The following SULT4A1 variants were observed in gnomAD, a reference collection of about 807,000 sequenced individuals.
The protein encoded by SULT4A1 is sulfotransferase 4A1.
SULT4A1 carries 11 observed loss-of-function variants against 35.2 expected under a neutral mutation model. That is an observed-to-expected ratio of 0.31 (90% CI 0.20 to 0.52). SULT4A1 has a LOEUF of 0.52. SULT4A1 is among the 20% of genes least tolerant of loss of function. SULT4A1 has a pLI of 0.97. For missense variants in SULT4A1, 271 were observed against 383.7 expected (o/e 0.71, Z 2.45); for synonymous variants, 152 against 151.8 (o/e 1.00, Z -0.01).
chr22:43,850,504 T>C (rs2063503638), intron 1 of SULT4A1, among the ~76,000 whole-genome samples: 2 of 152,226 alleles, frequency 1.3e-5, no homozygotes, highest in Admixed American at 1.3e-4. Flanking sequence ...CTATTAATCA[T>C]TCCTTCCACA....
At chr22:43,830,887 G>C (rs1339224300) in intron 5 of SULT4A1, among the ~76,000 whole-genome samples, 1 of 152,210 alleles carries the variant, frequency 6.6e-6, no homozygotes, top group Non-Finnish European at 1.5e-5. Context: ...CTCGGGGCTA[G>C]TTTTCTGGAG....
chr22:43,837,620 G>A (rs2063387889), intron 4 of SULT4A1, among the ~76,000 whole-genome samples: 1 of 152,158 alleles, frequency 6.6e-6, no homozygotes, highest in South Asian at 2.1e-4. Flanking sequence ...TTCTCAGCAG[G>A]CACAGTGGAA....
chr22:43,846,544 A>C (rs2063478280), intron 1 of SULT4A1, among the ~76,000 whole-genome samples: 1 of 152,200 alleles, frequency 6.6e-6, no homozygotes. Flanking sequence ...GACTTCCTGG[A>C]GGAGGGAGCT....
intron 1 of SULT4A1, among the ~76,000 whole-genome samples, chr22:43,853,487 C>T (rs997605631): frequency 3.3e-5 from 5 of 152,342 alleles, no homozygotes; most frequent in Non-Finnish European, 4.4e-5. Flanking sequence ...CGGAAACAGG[C>T]ACAGTCACTG....
chr22:43,841,954 G>A (rs371666839), intron 1 of SULT4A1, 22 bp from the exon 2 acceptor site: 27 of 1,609,708 alleles, frequency 1.7e-5, no homozygotes, highest in East Asian at 4.5e-5. Context: ...AAGCCCCAGC[G>A]CGGGGTGCTC....
At chr22:43,860,368 C>A (rs1444175612) in intron 1 of SULT4A1, among the ~76,000 whole-genome samples, 1 of 152,218 alleles carries the variant, frequency 6.6e-6, no homozygotes, top group Non-Finnish European at 1.5e-5. Flanking sequence ...CTGGGCACAA[C>A]AGGTGTTCAG....
rs150387458 is a variant in SULT4A1, at chr22:43,848,403, C to G, written c.170-6471G>C. Among the ~76,000 whole-genome samples, 17 of 152,374 alleles carry G rather than the reference C, an allele frequency of 1.1e-4. No individual in the cohort carries two copies. In the East Asian group the frequency reaches 3.3e-3, roughly 29 times the overall value. ...CAGTCTCACAGCAAACCTGGCAACC[C>G]TCATCCACAGCACAGGACCGGACCC... On this transcript the variant is annotated intron_variant, in intron 1 of 6. Transcript: ENST00000330884.
chr22:43,850,095 C>T (rs566973678), intron 1 of SULT4A1, among the ~76,000 whole-genome samples: 13 of 152,340 alleles, frequency 8.5e-5, no homozygotes, highest in African/African-American at 3.1e-4. Flanking sequence ...AAATGTCTGG[C>T]TTCACCTGCA....
At chr22:43,826,509 C>T (rs2063288054) in intron 6 of SULT4A1, 1 of 985,418 alleles carries the variant, frequency 1.0e-6, no homozygotes, top group Non-Finnish European at 1.2e-6. Context: ...GTATGATCTG[C>T]CGCGGGAGTG....
At chr22:43,844,161 A>T (rs1164056509) in intron 1 of SULT4A1, among the ~76,000 whole-genome samples, 1 of 152,162 alleles carries the variant, frequency 6.6e-6, no homozygotes, top group Non-Finnish European at 1.5e-5. Context: ...AAGCGGTTTG[A>T]GGGCTTTTCT....
In SULT4A1 at chr22:43,829,196, G is replaced by A; in HGVS notation, c.606C>T (p.Asp202=). ...LFLKYEDMHR[D]LVTMVEQLAR... is the part of the protein sequence containing the mutation. ...CCAGCTGCTCCACCATCGTCACCAG[G>A]TCCTGGAAGACAAGTGCAGAGAGCA... The change falls in exon 6 of 7, where the codon GAC becomes GAT. Residue 202 remains aspartate, a splice_region_variant and synonymous_variant. Transcript: ENST00000330884. 6.4e-7 allele frequency: 1 copy of A among 1,559,974 alleles called. No homozygotes were observed. The highest frequency in any genetic ancestry group is 8.7e-7 in the Non-Finnish European group (1 of 1,152,106).
chr22:43,860,133 C>T (rs1010160514), intron 1 of SULT4A1, among the ~76,000 whole-genome samples: 2 of 152,206 alleles, frequency 1.3e-5, no homozygotes, highest in Admixed American at 6.5e-5. Context: ...CAGGCCCTTC[C>T]GGCTCTGACC....
intron 6 of SULT4A1, chr22:43,826,662 C>G (rs1430385985): frequency 3.0e-6 from 3 of 985,294 alleles, no homozygotes; most frequent in South Asian, 4.7e-5. Context: ...AAATTTTACA[C>G]TAAGTAGGAA....
Position 43,825,722 on chromosome 22 carries a change from C to A in SULT4A1, c.*279G>T. The A allele has an allele frequency of 3.7e-6, 1 of 266,894 alleles. No individual in the cohort carries two copies. Among genetic ancestry groups the A allele is most frequent in the Non-Finnish European group, 7.0e-6 (1 of 143,410 alleles). 16.5% of individuals were successfully genotyped at this position (266,894 alleles called of 1,614,324 possible). On this transcript the variant is annotated 3_prime_UTR_variant, in exon 7 of 7. Coordinates refer to ENST00000330884, the MANE Select transcript of SULT4A1 (RefSeq NM_014351.4). ...GTTGAAAAGGCAGACATTCTAGTTG[C>A]ATATATTACAGGCTTTATCCTTACG...
chr22:43,829,577 G>A (rs1185961379), intron 5 of SULT4A1, among the ~76,000 whole-genome samples: 1 of 152,204 alleles, frequency 6.6e-6, no homozygotes. Context: ...GTCAGCTGGC[G>A]TCTGGGCTGG....
chr22:43,854,801 C>A (rs367603130), intron 1 of SULT4A1, among the ~76,000 whole-genome samples: 1 of 152,234 alleles, frequency 6.6e-6, no homozygotes, highest in African/African-American at 2.4e-5. Flanking sequence ...ACAGAGGAAC[C>A]CCTTTCCTGG....
intron 1 of SULT4A1, among the ~76,000 whole-genome samples, chr22:43,854,429 G>A (rs1460780486): frequency 6.6e-6 from 1 of 152,174 alleles, no homozygotes; most frequent in East Asian, 1.9e-4. Flanking sequence ...CACACACGGG[G>A]GACAGTCTGG....
At chr22:43,854,114 G>A (rs1020866343) in intron 1 of SULT4A1, among the ~76,000 whole-genome samples, 1 of 152,224 alleles carries the variant, frequency 6.6e-6, no homozygotes, top group Non-Finnish European at 1.5e-5. Context: ...GACATCAGTA[G>A]TGGTGATGAT....
At chr22:43,826,207 G>C in intron 6 of SULT4A1, 94 bp from the exon 7 acceptor site, 1 of 1,560,140 alleles carries the variant, frequency 6.4e-7, no homozygotes, top group African/African-American at 1.4e-5. Context: ...GAACATTCCA[G>C]ATCTATTCCT....
Sources: gnomAD v4.1 joint callset for allele counts (sites outside exome capture counted in the v4.1 genomes callset) on GRCh38, gnomAD v4.1.1 for gene constraint, MANE v1.5 for transcripts, NCBI Gene and HGNC (gene_info 2026-07-23, HGNC 2026-07-21) for gene names.